Variants in NELL1 observed in about 807,000 individuals in gnomAD.
NELL1 encodes the protein protein kinase C-binding protein NELL1.
In NELL1, 76 loss-of-function variants were observed where a neutral mutation model predicts 107.4. That is an observed-to-expected ratio of 0.71 (90% CI 0.59 to 0.86). NELL1 has a LOEUF of 0.86. Among genes scored for constraint, NELL1 ranks in the 40% least tolerant of loss-of-function variants. NELL1 has a pLI of 0.00. For synonymous variants in NELL1, 353 were observed against 341.2 expected (o/e 1.03, Z -0.38); for missense variants, 1,024 against 1,005.5 (o/e 1.02, Z -0.25).
At chr11:21,221,331 C>A (rs1180312553) in intron 13 of NELL1, among the ~76,000 whole-genome samples, 1 of 151,980 alleles carries the variant, frequency 6.6e-6, no homozygotes, top group Non-Finnish European at 1.5e-5. Context: ...GGGATATTGG[C>A]CTTTAATTTG....
At chr11:21,522,398 C>A (rs1224103314) in intron 15 of NELL1, among the ~76,000 whole-genome samples, 1 of 152,116 alleles carries the variant, frequency 6.6e-6, no homozygotes, top group Non-Finnish European at 1.5e-5. Context: ...AAAATGAAGT[C>A]ATATCTTTTG....
intron 14 of NELL1, among the ~76,000 whole-genome samples, chr11:21,281,779 T>TAA (rs1304361499): frequency 6.6e-6 from 1 of 152,136 alleles, no homozygotes; most frequent in African/African-American, 2.4e-5. Flanking sequence ...TTCTTCCGGA[T>TAA]CTCATCTAAG....
Position 21,376,386 on chromosome 11 carries a change from T to C in NELL1, c.1645+5438T>C, listed in dbSNP as rs184822675. On this transcript the variant is annotated intron_variant, in intron 15 of 19. Coordinates refer to ENST00000357134, the MANE Select transcript of NELL1 (RefSeq NM_006157.5). ...TGTGCAGCTTTATTTCTGGGTTCTC[T>C]GTTCTGTTCCATTGGTCTCTCTGTC... Among the ~76,000 whole-genome samples, 597 of 152,262 alleles carry C rather than the reference T, an allele frequency of 3.9e-3. 3 individuals are homozygous for C. Among genetic ancestry groups the C allele is most frequent in the Non-Finnish European group, 6.9e-3 (470 of 68,002 alleles).
intron 13 of NELL1, among the ~76,000 whole-genome samples, chr11:21,183,152 A>G (rs1406030590): frequency 3.3e-5 from 5 of 151,974 alleles, no homozygotes; most frequent in South Asian, 2.1e-4. Flanking sequence ...TTATGAAAAA[A>G]TAATGTGCTA....
At chr11:21,465,393 C>CT (rs1854002601) in intron 15 of NELL1, among the ~76,000 whole-genome samples, 2 of 152,180 alleles carry the variant, frequency 1.3e-5, no homozygotes, top group South Asian at 4.1e-4. Context: ...GCTCTGGGCT[C>CT]TTTTTACTAT....
chr11:21,378,502 G>A (rs1851534028), intron 15 of NELL1, among the ~76,000 whole-genome samples: 1 of 151,736 alleles, frequency 6.6e-6, no homozygotes. Context: ...GAACCAGGTT[G>A]GTATGGAAAC....
chr11:21,095,574 C>T (rs1854621797), intron 12 of NELL1, among the ~76,000 whole-genome samples: 1 of 151,984 alleles, frequency 6.6e-6, no homozygotes, highest in South Asian at 2.1e-4. Flanking sequence ...GGAGGCCTCA[C>T]AATCATGGCA....
chr11:21,515,163 C>T (rs895666896), intron 15 of NELL1, among the ~76,000 whole-genome samples: 5 of 152,190 alleles, frequency 3.3e-5, no homozygotes, highest in Admixed American at 6.5e-5. Context: ...ATGATTTTTA[C>T]AGTACAGACC....
intron 2 of NELL1, among the ~76,000 whole-genome samples, chr11:20,724,531 T>A (rs1015912534): frequency 2.0e-5 from 3 of 152,186 alleles, no homozygotes; most frequent in African/African-American, 7.2e-5. Context: ...ATGCCACCAG[T>A]CTCTTTGCTA....
chr11:20,977,788 A>G (rs1851668415), intron 12 of NELL1, among the ~76,000 whole-genome samples: 1 of 152,220 alleles, frequency 6.6e-6, no homozygotes, highest in South Asian at 2.1e-4. Flanking sequence ...TGTTGAGTGC[A>G]TAAGTGAATA....
intron 15 of NELL1, among the ~76,000 whole-genome samples, chr11:21,393,017 C>A: frequency 6.7e-6 from 1 of 150,246 alleles, no homozygotes; most frequent in African/African-American, 2.4e-5. Context: ...TAAGCAAGAG[C>A]TATTTCACAT....
chr11:20,828,231 T>G (rs1158927346), intron 3 of NELL1, among the ~76,000 whole-genome samples: 1 of 151,436 alleles, frequency 6.6e-6, no homozygotes, highest in Non-Finnish European at 1.5e-5. Flanking sequence ...ACATAGGCAC[T>G]CAATAATTGT....
At chr11:20,809,587 G>A (rs1456504861) in intron 3 of NELL1, among the ~76,000 whole-genome samples, 1 of 151,932 alleles carries the variant, frequency 6.6e-6, no homozygotes, top group East Asian at 1.9e-4. Flanking sequence ...TCTGTGAACA[G>A]CTTTTTAGAT....
chr11:21,401,528 C>T (rs1467766428), intron 15 of NELL1, among the ~76,000 whole-genome samples: 6 of 151,866 alleles, frequency 4.0e-5, no homozygotes, highest in Middle Eastern at 3.4e-3. Context: ...CCTGTAGTGA[C>T]ACTAGCCAAA....
chr11:21,427,673 C>T (rs1852859450), intron 15 of NELL1, among the ~76,000 whole-genome samples: 1 of 152,102 alleles, frequency 6.6e-6, no homozygotes, highest in South Asian at 2.1e-4. Flanking sequence ...GAGTTTGAGA[C>T]ACCTTGGGCA....
At chr11:21,090,884 G>A (rs79263235) in intron 12 of NELL1, among the ~76,000 whole-genome samples, 2,901 of 152,242 alleles carry the variant, frequency 0.019, 76 homozygotes, top group African/African-American at 0.066. Flanking sequence ...AACTGAAAGA[G>A]CCTGGAGTGT....
At chr11:21,538,425 A>G (rs1475797728) in intron 16 of NELL1, among the ~76,000 whole-genome samples, 1 of 152,174 alleles carries the variant, frequency 6.6e-6, no homozygotes, top group African/African-American at 2.4e-5. Flanking sequence ...AGAAATGGCC[A>G]GTCCTAGTAT....
chr11:21,388,987 C>T (rs1033770267), intron 15 of NELL1, among the ~76,000 whole-genome samples: 1 of 151,730 alleles, frequency 6.6e-6, no homozygotes, highest in African/African-American at 2.4e-5. Context: ...CAAGTAAGTA[C>T]ATTCCAATGA....
chr11:21,446,566 C>T (rs1381083323), intron 15 of NELL1, among the ~76,000 whole-genome samples: 1 of 152,192 alleles, frequency 6.6e-6, no homozygotes, highest in Admixed American at 6.5e-5. Flanking sequence ...CATTAGGGAT[C>T]ACCCCAAGTC....
Sources: allele counts gnomAD v4.1 joint callset (sites outside exome capture counted in the v4.1 genomes callset), GRCh38; gene constraint gnomAD v4.1.1; transcripts MANE v1.5; gene names NCBI Gene and HGNC (gene_info 2026-07-23, HGNC 2026-07-21).